The following ABCC2 variants were observed in gnomAD, a reference collection of about 807,000 sequenced individuals.
ABCC2 encodes ATP-binding cassette sub-family C member 2.
In ABCC2, 157 loss-of-function variants were observed where a neutral mutation model predicts 173.4. The ratio of observed to expected loss-of-function variants is 0.91; its 90% CI spans 0.80 to 1.03. The LOEUF (loss-of-function observed/expected upper bound fraction) is 1.03. Ranked by LOEUF, ABCC2 falls within the 50% of genes least tolerant of loss-of-function variation. The probability of loss-of-function intolerance (pLI) is 0.00; values close to 1 mark genes in which losing one functional copy is unlikely to be tolerated. For missense variants in ABCC2, 1,822 were observed against 1,852.3 expected, an observed-to-expected ratio of 0.98 and a Z score of 0.30; for synonymous variants, 657 against 693.5, an observed-to-expected ratio of 0.95 and a Z score of 0.83.
chr10:99,792,516 A>G (rs1213727555), intron 3 of ABCC2, among the ~76,000 whole-genome samples, 157 bp downstream of exon 3: 2 of 152,172 alleles, frequency 1.3e-5, no homozygotes, highest in Non-Finnish European at 2.9e-5. Flanking sequence ...GGTGAAACAA[A>G]TTTTAGCTTT....
rs111621941 is a variant in ABCC2 at position 99,790,944 on chromosome 10, A to G, written c.208-1290A>G. Among the ~76,000 whole-genome samples the G allele has an allele frequency of 5.5e-3, 844 of 152,200 alleles. 10 individuals carry two copies. The highest frequency in any genetic ancestry group is 0.014 in the African/African-American group (591 of 41,518). On this transcript the variant is annotated intron_variant, in intron 2 of 31. Transcript: ENST00000647814. ...GATAGGGGCATAAAAGCATGAGGGG[A>G]GGGGAGATGGTGCCACATAAATATC...
intron 19 of ABCC2, among the ~76,000 whole-genome samples, chr10:99,819,752 A>G (rs1306370279): frequency 2.0e-5 from 3 of 152,208 alleles, no homozygotes; most frequent in Non-Finnish European, 4.4e-5. Flanking sequence ...ATATACCAAA[A>G]CCACTGGGTG....
intron 1 of ABCC2, among the ~76,000 whole-genome samples, chr10:99,783,894 A>G (rs2037660775): frequency 6.6e-6 from 1 of 152,174 alleles, no homozygotes; most frequent in African/African-American, 2.4e-5. Context: ...TTCTTTAAAG[A>G]GTCTGTATAA....
intron 12 of ABCC2, 140 bp from the exon 13 acceptor site, chr10:99,807,943 C>G (rs2038141296): frequency 9.6e-7 from 1 of 1,040,534 alleles, no homozygotes; most frequent in Admixed American, 1.8e-5. Context: ...CTCCTGGGCT[C>G]AGTTTTCTCA....
Position 99,784,676 on chromosome 10 carries a change from G to A in ABCC2, c.102G>A (p.Trp34Ter). ...PLCFEQTVLVWIPLGYLWLLA... is the reference protein window; with the variant it reads ...PLCFEQTVLV Reference sequence around the variant, plus strand: ...GTTTTGAGCAAACTGTTCTGGTGTGGATTCCCTTGGGCTACCTATGGCTCC... The same window carrying A: ...GTTTTGAGCAAACTGTTCTGGTGTGAATTCCCTTGGGCTACCTATGGCTCC... The change falls in exon 2 of 32, where the codon TGG becomes TGA. Residue 34 changes from tryptophan to a stop codon, truncating the protein, a stop_gained. Transcript: ENST00000647814. LOFTEE classifies it high-confidence loss of function. The A allele has an allele frequency of 6.2e-7, 1 of 1,614,190 alleles. No individual in the cohort carries two copies. The highest frequency in any genetic ancestry group is 8.5e-7 in the Non-Finnish European group (1 of 1,180,028).
intron 23 of ABCC2, among the ~76,000 whole-genome samples, chr10:99,833,500 A>T (rs2038771624): frequency 6.6e-6 from 1 of 152,216 alleles, no homozygotes; most frequent in South Asian, 2.1e-4. Flanking sequence ...GGCCTCTGGG[A>T]TCAATGGCTG....
In ABCC2 at chr10:99,814,282, T is replaced by C. The variant is rs1429070007; in HGVS notation, c.2094+1138T>C. ...ACACACGTATGTATACACACGTATG[T>C]ATACACACACGTATGTATACACACA... On this transcript the variant is annotated intron_variant, in intron 16 of 31. Transcript: ENST00000647814. Among the ~76,000 whole-genome samples the C allele has an allele frequency of 5.5e-5, 4 of 73,002 alleles. 1 individual carries two copies. Among genetic ancestry groups the C allele is most frequent in the South Asian group, 3.9e-4 (1 of 2,560 alleles). The allele number at this position is 73,002 out of a possible 152,430, so 47.9% of individuals were successfully genotyped here.
At chr10:99,797,909 A>T (rs1590147872) in intron 7 of ABCC2, 1 of 161,466 alleles carries the variant, frequency 6.2e-6, no homozygotes, top group East Asian at 1.7e-4. Flanking sequence ...CCTCTGAGGG[A>T]CAGTCAGAGG....
chr10:99,789,312 T>C (rs1297756428), intron 2 of ABCC2: 2 of 152,162 alleles, frequency 1.3e-5, no homozygotes, highest in Non-Finnish European at 2.9e-5. Flanking sequence ...TGGATAACTT[T>C]CATCAGGGCC....
chr10:99,814,429 A>G (rs547182971), intron 16 of ABCC2, among the ~76,000 whole-genome samples: 10 of 134,176 alleles, frequency 7.5e-5, no homozygotes, highest in African/African-American at 5.7e-5. Context: ...GTGTGCATAT[A>G]TGTGTATACA....
At chr10:99,820,414 CACA>C (rs1358072998) in intron 19 of ABCC2, among the ~76,000 whole-genome samples, 1 of 151,854 alleles carries the variant, frequency 6.6e-6, no homozygotes, top group South Asian at 2.1e-4. Context: ...ACACACAAAA[CACA>C]ACAACAACAA....
intron 2 of ABCC2, among the ~76,000 whole-genome samples, chr10:99,787,001 C>CAA (rs200187648): frequency 2.7e-5 from 3 of 110,514 alleles, no homozygotes; most frequent in African/African-American, 7.0e-5. Context: ...GACTCCGTCT[C>CAA]AAAAAAAAAA....
At chr10:99,851,432 T>C in intron 31 of ABCC2, 70 bp from the exon 32 acceptor site, 2 of 1,588,836 alleles carry the variant, frequency 1.3e-6, no homozygotes, top group South Asian at 1.1e-5. Flanking sequence ...TTAGTCCTGG[T>C]TATTCTTATA....
intron 28 of ABCC2, 117 bp downstream of exon 28, chr10:99,844,582 G>A (rs1725794335): frequency 7.2e-7 from 1 of 1,383,748 alleles, no homozygotes; most frequent in Admixed American, 1.7e-5. Context: ...AAAGGGTCAG[G>A]GCACTTCCTC....
chr10:99,846,935 C>A (rs1189726946), intron 29 of ABCC2, 26 bp from the exon 30 acceptor site: 1 of 1,613,880 alleles, frequency 6.2e-7, no homozygotes, highest in African/African-American at 1.3e-5. Context: ...TGAGCCCCAA[C>A]AGCCCCCTTG....
Position 99,845,726 on chromosome 10 carries a change from G to C in ABCC2, c.4090G>C (p.Asp1364His). 6.2e-7 allele frequency: 1 copy of C among 1,613,948 alleles called. No individual in the cohort carries two copies. Among genetic ancestry groups the C allele is most frequent in the Non-Finnish European group, 8.5e-7 (1 of 1,179,990 alleles). Reference protein sequence around the residue: ...AGGQIIIDGVDIASIGLHDLR... With the variant: ...AGGQIIIDGVHIASIGLHDLR... ...TGGTCAGATTATCATTGATGGAGTA[G>C]ATATTGCTTCCATTGGGCTCCACGA... Residue 1364 changes from aspartate to histidine, a missense_variant, in exon 29 of 32, where the codon GAT (aspartate) becomes CAT (histidine). Physicochemically the swap from Asp to His is moderately conservative, Grantham distance 81. Coordinates refer to ENST00000647814, the MANE Select transcript of ABCC2 (RefSeq NM_000392.5).
chr10:99,821,265 G>A (rs542263981), intron 19 of ABCC2, among the ~76,000 whole-genome samples: 2 of 152,274 alleles, frequency 1.3e-5, no homozygotes, highest in Admixed American at 6.5e-5. Context: ...ACATACAATC[G>A]GGTTTTATAC....
chr10:99,813,683 C>A (rs1451067780), intron 16 of ABCC2, among the ~76,000 whole-genome samples: 1 of 151,768 alleles, frequency 6.6e-6, no homozygotes, highest in African/African-American at 2.4e-5. Flanking sequence ...GCACTCCAGC[C>A]TGAGTGACAG....
intron 21 of ABCC2, 85 bp downstream of exon 21, chr10:99,830,936 A>G (rs1413564736): frequency 4.0e-6 from 6 of 1,481,968 alleles, no homozygotes; most frequent in South Asian, 2.3e-5. Context: ...AATTGAACGC[A>G]TACTTACAGG....
Sources: gnomAD v4.1 joint callset for allele counts (sites outside exome capture counted in the v4.1 genomes callset) on GRCh38, gnomAD v4.1.1 for gene constraint, MANE v1.5 for transcripts, NCBI Gene and HGNC (gene_info 2026-07-23, HGNC 2026-07-21) for gene names.